BPI: variants seen among roughly 807,000 people sequenced by gnomAD.
The protein encoded by BPI is bactericidal permeability-increasing protein.
BPI carries 48 observed loss-of-function variants against 57.6 expected under a neutral mutation model. That is an observed-to-expected ratio of 0.83 (90% confidence interval 0.66 to 1.06). The LOEUF is 1.06. Among genes scored for constraint, BPI ranks in the 50% least tolerant of loss-of-function variants. The pLI is 0.00. For missense variants in BPI, 651 were observed against 609.7 expected, an observed-to-expected ratio of 1.07 and a Z score of -0.71; for synonymous variants, 237 against 238.2, an observed-to-expected ratio of 0.99 and a Z score of 0.05.
intron 5 of BPI, chr20:38,318,035 G>A (rs1457500115): frequency 1.3e-5 from 13 of 984,072 alleles, no homozygotes; most frequent in Admixed American, 1.2e-4. Context: ...TGACTACCTC[G>A]TATTTGTTTA....
chr20:38,335,569 C>T (rs770133149), intron 13 of BPI, 29 bp from the exon 14 acceptor site: 2 of 1,601,428 alleles, frequency 1.2e-6, no homozygotes, highest in South Asian at 2.2e-5. Flanking sequence ...TTCTTTTCTC[C>T]TGGTCCTCAC....
intron 5 of BPI, among the ~76,000 whole-genome samples, chr20:38,314,863 GA>G (rs2076644672): frequency 6.6e-6 from 1 of 151,066 alleles, no homozygotes; most frequent in African/African-American, 2.4e-5. Context: ...TGATGATGAT[GA>G]TGATGGTGAT....
chr20:38,320,461 C>T (rs1033049983), intron 7 of BPI, among the ~76,000 whole-genome samples, 187 bp downstream of exon 7: 2 of 151,882 alleles, frequency 1.3e-5, no homozygotes, highest in African/African-American at 4.8e-5. Context: ...CCGAAACACA[C>T]CATGCCTGCC....
intron 12 of BPI, among the ~76,000 whole-genome samples, chr20:38,331,874 G>A (rs1359113705): frequency 6.6e-6 from 1 of 151,278 alleles, no homozygotes; most frequent in Non-Finnish European, 1.5e-5. Context: ...AGAGAAGATC[G>A]TTTCAGTCAC....
chr20:38,320,367 C>A, intron 7 of BPI, 93 bp downstream of exon 7: 1 of 1,147,114 alleles, frequency 8.7e-7, no homozygotes, highest in Non-Finnish European at 1.3e-6. Context: ...AACAATGTCC[C>A]CTACTTCCTA....
chr20:38,314,770 T>G (rs548444737), intron 5 of BPI, among the ~76,000 whole-genome samples: 140 of 142,334 alleles, frequency 9.8e-4, no homozygotes, highest in Non-Finnish European at 1.7e-3. Context: ...ATGGTAATGG[T>G]GGGGATGATG....
rs5743513 is a variant in BPI, at chr20:38,324,023, A to C, written c.910A>C (p.Lys304Gln). ...GLVYQEAGVL[K>Q]MTLRDDMIPK... ...TGTATACCAAGAGGCTGGGGTCTTG[A>C]AGATGACCCTTAGAGATGACATGGT... The change falls in exon 8 of 15, where the codon AAG (lysine) becomes CAG (glutamine). Residue 304 changes from lysine (K) to glutamine (Q), a missense_variant. Physicochemically the swap from Lys to Gln is moderately conservative, Grantham distance 53. Coordinates refer to ENST00000642449, the MANE Select transcript of BPI (RefSeq NM_001725.3). The C allele has an allele frequency of 4.1e-3, 6,619 of 1,614,004 alleles. 371 individuals carry two copies. The Admixed American group carries it at 0.095, about 23-fold the overall frequency.
intron 5 of BPI, among the ~76,000 whole-genome samples, chr20:38,317,030 G>A (rs150032326): frequency 0.011 from 1,669 of 152,264 alleles, 11 homozygotes; most frequent in Non-Finnish European, 0.018. Flanking sequence ...CTTGGTCACA[G>A]GACTCTAGAA....
intron 12 of BPI, 32 bp downstream of exon 12, chr20:38,331,122 C>A (rs749963333): frequency 1.9e-6 from 3 of 1,608,600 alleles, no homozygotes; most frequent in Non-Finnish European, 2.6e-6. Flanking sequence ...GCTTCTTCCT[C>A]CTTCTGACCT....
chr20:38,326,496 A>T, intron 10 of BPI, 64 bp downstream of exon 10: 1 of 1,492,706 alleles, frequency 6.7e-7, no homozygotes, highest in Non-Finnish European at 9.0e-7. Flanking sequence ...CTGTCTTTGG[A>T]GTCAGGAGAC....
chr20:38,337,096 A>G, intron 14 of BPI, 50 bp from the exon 15 acceptor site: 1 of 1,579,566 alleles, frequency 6.3e-7, no homozygotes. Context: ...CCACACTCAC[A>G]AACAAGGGGT....
intron 5 of BPI, chr20:38,317,602 G>T: frequency 4.2e-6 from 3 of 715,780 alleles, no homozygotes; most frequent in Non-Finnish European, 7.8e-6. Context: ...GTTACACAAA[G>T]GTCAGGTGTA....
At chr20:38,326,158 A>T in intron 9 of BPI, 107 bp from the exon 10 acceptor site, 1 of 1,174,098 alleles carries the variant, frequency 8.5e-7, no homozygotes, top group African/African-American at 1.5e-5. Flanking sequence ...TCTAAGAGCA[A>T]TGGGAAGACA....
rs760852444 is a variant in BPI, at chr20:38,310,501, G to T, written c.385G>T (p.Gly129Cys). The change falls in exon 4 of 15, where the codon GGC becomes TGC. Residue 129 changes from glycine (G) to cysteine (C), a missense_variant. Physicochemically the swap from Gly to Cys is radical, Grantham distance 159 (BLOSUM62 -3). Transcript: ENST00000642449. ...TTTGTTCTTCTTCAGAAAAATGAGC[G>T]GCAATTTTGACCTGAGCATAGAAGG... ...KAQKRFLKMS[G>C]NFDLSIEGMS... The T allele has an allele frequency of 6.2e-7, 1 of 1,612,296 alleles. No individual in the cohort carries two copies. The highest frequency in any genetic ancestry group is 1.7e-5 in the Admixed American group (1 of 59,940).
intron 5 of BPI, among the ~76,000 whole-genome samples, chr20:38,315,977 T>C (rs6024804): frequency 0.51 from 77,621 of 151,480 alleles, 20,192 homozygotes; most frequent in East Asian, 0.78. Flanking sequence ...GGATTACAGG[T>C]ATCTGCCACC....
At chr20:38,326,813 T>C (rs964720961) in intron 10 of BPI, among the ~76,000 whole-genome samples, 16 of 152,262 alleles carry the variant, frequency 1.1e-4, no homozygotes, top group African/African-American at 3.4e-4. Context: ...ATTTATTAGA[T>C]TGTTGACTTG....
intron 5 of BPI, chr20:38,317,821 G>A (rs372250513): frequency 1.5e-5 from 22 of 1,509,562 alleles, no homozygotes; most frequent in Non-Finnish European, 2.0e-5. Flanking sequence ...AAGTCAGTGT[G>A]TGGCCCAAGT....
intron 7 of BPI, 49 bp downstream of exon 7, chr20:38,320,323 A>G (rs1295886792): frequency 1.9e-6 from 3 of 1,538,810 alleles, no homozygotes; most frequent in Non-Finnish European, 2.7e-6. Context: ...TGTCTCAGAC[A>G]CTCCAGGGCT....
chr20:38,307,458 G>A, intron 1 of BPI, 109 bp from the exon 2 acceptor site: 1 of 736,456 alleles, frequency 1.4e-6, no homozygotes, highest in Non-Finnish European at 2.2e-6. Flanking sequence ...CCCTTCCAGT[G>A]CCACTGTCCA....
Sources: allele counts gnomAD v4.1 joint callset (sites outside exome capture counted in the v4.1 genomes callset), GRCh38; gene constraint gnomAD v4.1.1; transcripts MANE v1.5; gene names NCBI Gene and HGNC (gene_info 2026-07-23, HGNC 2026-07-21).